Variants in MLLT3 observed in about 807,000 individuals in gnomAD.
MLLT3 encodes the protein protein AF-9.
MLLT3 carries 4 observed loss-of-function variants against 53.2 expected under a neutral mutation model. That is an observed-to-expected ratio of 0.08 (90% CI 0.04 to 0.17). The LOEUF is 0.17. Ranked by LOEUF, MLLT3 falls within the 10% of genes least tolerant of loss-of-function variation. The pLI, the probability that MLLT3 is intolerant of heterozygous loss-of-function variation, is 1.00. For missense variants in MLLT3, 569 were observed against 684.0 expected (o/e 0.83, Z 1.87); for synonymous variants, 283 against 230.6 (o/e 1.23, Z -2.06).
At chr9:20,504,766 G>A (rs1825344355) in intron 2 of MLLT3, among the ~76,000 whole-genome samples, 1 of 151,994 alleles carries the variant, frequency 6.6e-6, no homozygotes, top group Admixed American at 6.5e-5. Flanking sequence ...GAGTACCTGA[G>A]ATAATGCATA....
rs570271312 is a variant in MLLT3, at chr9:20,417,736, T to G, written c.421-3311A>C. Among the ~76,000 whole-genome samples the G allele has an allele frequency of 3.9e-5, 6 of 152,288 alleles. No individual in the cohort carries two copies. The South Asian group carries it at 1.0e-3, about 26-fold the overall frequency. ...CATCTATTCAGATTGCACTGAATGC[T>G]TCCTTGTTTTAATTTTTTGGAACAG... On this transcript the variant is annotated intron_variant, in intron 4 of 10. Coordinates refer to ENST00000380338, the MANE Select transcript of MLLT3 (RefSeq NM_004529.4).
chr9:20,359,532 C>A (rs560245850), intron 8 of MLLT3, among the ~76,000 whole-genome samples: 1 of 152,290 alleles, frequency 6.6e-6, no homozygotes, highest in East Asian at 1.9e-4. Flanking sequence ...GTAACTGGTA[C>A]AACAAAGAGT....
intron 2 of MLLT3, among the ~76,000 whole-genome samples, chr9:20,482,408 T>A (rs1229586832): frequency 6.6e-6 from 1 of 152,236 alleles, no homozygotes; most frequent in African/African-American, 2.4e-5. Flanking sequence ...TTTCCTTTTT[T>A]CTGCTTTCTT....
At chr9:20,380,835 A>G (rs1170600120) in intron 5 of MLLT3, among the ~76,000 whole-genome samples, 1 of 152,120 alleles carries the variant, frequency 6.6e-6, no homozygotes, top group East Asian at 1.9e-4. Flanking sequence ...GAAACTTGAA[A>G]GTCAAATTAG....
At chr9:20,357,708 T>G (rs1821203713) in intron 8 of MLLT3, among the ~76,000 whole-genome samples, 1 of 152,176 alleles carries the variant, frequency 6.6e-6, no homozygotes, top group Admixed American at 6.5e-5. Flanking sequence ...TTGACTCCAT[T>G]AGTACTTCCC....
chr9:20,343,214 A>T lies in MLLT3; in HGVS notation c.*3229T>A, dbSNP rs145883431. ...AAAAAAAAAAAAAAAAAAAAAAAAA[A>T]TTTTGAAGAAACTTTTTAGTGGAAG... is the stretch of plus-strand genomic sequence containing the variant. On this transcript the variant is annotated 3_prime_UTR_variant, in exon 11 of 11. Transcript: ENST00000380338. 1.8e-3 allele frequency: 213 copies of T among 115,784 alleles called. 3 individuals are homozygous for T. The highest frequency in any genetic ancestry group is 9.2e-3 in the African/African-American group (138 of 14,982). 7.2% of individuals were successfully genotyped at this position (115,784 alleles called of 1,614,324 possible). A position where few individuals can be genotyped will look rare whatever the true frequency, so the allele number is the denominator to read the frequency against.
chr9:20,594,187 T>C (rs529565505), intron 2 of MLLT3, among the ~76,000 whole-genome samples: 1 of 152,228 alleles, frequency 6.6e-6, no homozygotes, highest in Admixed American at 6.5e-5. Flanking sequence ...ATGATCCGCC[T>C]ACCTCGGCCT....
At chr9:20,461,318 A>T (rs1194525912) in intron 2 of MLLT3, among the ~76,000 whole-genome samples, 1 of 152,158 alleles carries the variant, frequency 6.6e-6, no homozygotes, top group African/African-American at 2.4e-5. Context: ...CCAATAACCT[A>T]TTTAATTTTT....
chr9:20,614,249 C>T (rs1435254579), intron 2 of MLLT3, among the ~76,000 whole-genome samples: 1 of 152,100 alleles, frequency 6.6e-6, no homozygotes, highest in Non-Finnish European at 1.5e-5. Flanking sequence ...ACAAAATTAG[C>T]CGGGCGTGGT....
chr9:20,609,915 AAG>A (rs1449548556), intron 2 of MLLT3, among the ~76,000 whole-genome samples: 2 of 152,124 alleles, frequency 1.3e-5, no homozygotes, highest in Admixed American at 6.6e-5. Context: ...ACTACTTAGG[AAG>A]AGTCAGAAAT....
chr9:20,511,843 T>C (rs989317618), intron 2 of MLLT3, among the ~76,000 whole-genome samples: 2 of 152,130 alleles, frequency 1.3e-5, no homozygotes, highest in African/African-American at 4.8e-5. Flanking sequence ...TAAGTGCTCA[T>C]ACTGAAGGCA....
intron 5 of MLLT3, among the ~76,000 whole-genome samples, chr9:20,391,704 C>T (rs73430743): frequency 0.15 from 22,231 of 152,104 alleles, 3,974 homozygotes; most frequent in African/African-American, 0.42. Context: ...ATATTACTTC[C>T]ATCAACTACC....
intron 2 of MLLT3, among the ~76,000 whole-genome samples, chr9:20,506,190 G>A (rs1825376400): frequency 6.6e-6 from 1 of 152,076 alleles, no homozygotes; most frequent in African/African-American, 2.4e-5. Context: ...AAGTAGTTGG[G>A]ATTACAGGTG....
intron 2 of MLLT3, among the ~76,000 whole-genome samples, chr9:20,476,644 A>C (rs1301503552): frequency 2.0e-5 from 3 of 152,198 alleles, no homozygotes; most frequent in Non-Finnish European, 4.4e-5. Flanking sequence ...TACCTGGTTG[A>C]GATTCCTTGG....
At chr9:20,542,584 C>T (rs1464281780) in intron 2 of MLLT3, among the ~76,000 whole-genome samples, 1 of 152,088 alleles carries the variant, frequency 6.6e-6, no homozygotes, top group South Asian at 2.1e-4. Flanking sequence ...AGCAGTAGGG[C>T]TCAACAGTGG....
intron 2 of MLLT3, among the ~76,000 whole-genome samples, chr9:20,459,311 C>T (rs1267856850): frequency 6.6e-6 from 1 of 152,106 alleles, no homozygotes; most frequent in Non-Finnish European, 1.5e-5. Context: ...AAAACGAAAA[C>T]GTGAAAAGAT....
chr9:20,420,481 G>A lies in MLLT3; in HGVS notation c.421-6056C>T, dbSNP rs543474316. Among the ~76,000 whole-genome samples the A allele has an allele frequency of 1.3e-4, 20 of 152,230 alleles. No homozygotes were observed. The South Asian group carries it at 1.7e-3, about 13-fold the overall frequency. On this transcript the variant is annotated intron_variant, in intron 4 of 10. Transcript: ENST00000380338. ...AATATCAGATCATGTGGAATTCAACGTTGAGAGTACCAAATAGGATAAAAA... is the reference window on the plus strand; with the variant it reads ...AATATCAGATCATGTGGAATTCAACATTGAGAGTACCAAATAGGATAAAAA...
intron 2 of MLLT3, among the ~76,000 whole-genome samples, chr9:20,553,233 G>GT (rs2119030713): frequency 1.3e-5 from 2 of 152,262 alleles, no homozygotes; most frequent in South Asian, 4.1e-4. Context: ...GACACTAAAT[G>GT]TAACTGTAGA....
chr9:20,614,419 A>AGGAG (rs755983753), intron 2 of MLLT3, among the ~76,000 whole-genome samples: 1,952 of 108,994 alleles, frequency 0.018, 27 homozygotes, highest in South Asian at 0.027. Context: ...AAGGAAGGAA[A>AGGAG]GGAGGGAGGG....
Sources: allele counts gnomAD v4.1 joint callset (sites outside exome capture counted in the v4.1 genomes callset), GRCh38; gene constraint gnomAD v4.1.1; transcripts MANE v1.5; gene names NCBI Gene and HGNC (gene_info 2026-07-23, HGNC 2026-07-21).